The following PCDHGA8 variants were observed in gnomAD, a reference collection of about 807,000 sequenced individuals.
PCDHGA8 encodes the protein protocadherin gamma subfamily A, 8.
In PCDHGA8, 45 loss-of-function variants were observed where a neutral mutation model predicts 59.2. The ratio of observed to expected loss-of-function variants is 0.76; its 90% confidence interval spans 0.60 to 0.98. The LOEUF (loss-of-function observed/expected upper bound fraction) is 0.98, where lower values mean the gene tolerates loss of function less well. PCDHGA8 is among the 50% of genes least tolerant of loss of function. The probability of loss-of-function intolerance (pLI) is 0.00; values close to 1 mark genes in which losing one functional copy is unlikely to be tolerated. For synonymous variants in PCDHGA8, 531 were observed against 519.0 expected (o/e 1.02, Z -0.32); for missense variants, 1,257 against 1,196.2 (o/e 1.05, Z -0.75).
chr5:141,500,271 C>T (rs936454651), intron 2 of PCDHGA8, among the ~76,000 whole-genome samples: 3 of 151,598 alleles, frequency 2.0e-5, no homozygotes, highest in African/African-American at 7.3e-5. Flanking sequence ...TGCAGTGGCG[C>T]AATCTCGGCT....
chr5:141,468,093 G>C (rs1319825848), intron 1 of PCDHGA8, among the ~76,000 whole-genome samples: 2 of 152,112 alleles, frequency 1.3e-5, no homozygotes, highest in Non-Finnish European at 2.9e-5. Flanking sequence ...GGGAGGTTGA[G>C]GCAGGCAGAT....
At chr5:141,480,584 G>A (rs1421730652) in intron 1 of PCDHGA8, among the ~76,000 whole-genome samples, 1 of 134,606 alleles carries the variant, frequency 7.4e-6, no homozygotes, top group Non-Finnish European at 1.6e-5. Context: ...AATAACTGCC[G>A]CTCTTCTGGT....
intron 1 of PCDHGA8, chr5:141,415,323 G>C: frequency 1.9e-6 from 3 of 1,614,236 alleles, no homozygotes; most frequent in South Asian, 2.2e-5. Flanking sequence ...TCGTGCTGCT[G>C]GCGCACAGGC....
In PCDHGA8 at chr5:141,493,145, AG is replaced by A. The variant is rs11350413; in HGVS notation, c.2425-1660del. Among the ~76,000 whole-genome samples the A allele has an allele frequency of 0.17, 26,475 of 152,128 alleles. 2,528 individuals carry two copies. The highest frequency in any genetic ancestry group is 0.28 in the Admixed American group (4,206 of 15,272). ...TAGGACTGTATTTTGAAACACCCCC[AG>A]GTGATTTTGATAGCTGATTGAGAGA... is the stretch of plus-strand genomic sequence containing the variant. On this transcript the variant is annotated intron_variant, in intron 1 of 3. Transcript: ENST00000398604. The surrounding 1 kb of genome is among the most constrained non-coding windows in gnomAD (Gnocchi z 4.3).
intron 1 of PCDHGA8, among the ~76,000 whole-genome samples, chr5:141,446,356 A>G (rs73280911): frequency 0.088 from 13,411 of 152,284 alleles, 771 homozygotes; most frequent in African/African-American, 0.16. Flanking sequence ...CTACCATTTG[A>G]TGAGAATGGA....
chr5:141,395,302 T>C, intron 1 of PCDHGA8, 65 bp downstream of exon 1: 1 of 1,516,670 alleles, frequency 6.6e-7, no homozygotes, highest in East Asian at 2.3e-5. Flanking sequence ...AATTATGTTT[T>C]GAAAAACATT....
intron 1 of PCDHGA8, among the ~76,000 whole-genome samples, chr5:141,452,815 A>G (rs1199990390): frequency 6.6e-6 from 1 of 152,186 alleles, no homozygotes; most frequent in Admixed American, 6.5e-5. Flanking sequence ...TTTGTTCATA[A>G]GAAGCAAAAT....
At chr5:141,402,025 AAC>A (rs1265000731) in intron 1 of PCDHGA8, among the ~76,000 whole-genome samples, 9 of 152,192 alleles carry the variant, frequency 5.9e-5, no homozygotes, top group African/African-American at 1.7e-4. Flanking sequence ...GAATCATTGA[AAC>A]ACAGTCTGTG....
At chr5:141,460,981 GTGTA>G (rs1315974712) in intron 1 of PCDHGA8, among the ~76,000 whole-genome samples, 3 of 121,894 alleles carry the variant, frequency 2.5e-5, no homozygotes, top group Non-Finnish European at 5.1e-5. Context: ...GTGTGTGTGT[GTGTA>G]TATATATATA....
At chr5:141,504,980 G>A (rs113323355) in intron 2 of PCDHGA8, among the ~76,000 whole-genome samples, 174 of 152,196 alleles carry the variant, frequency 1.1e-3, no homozygotes, top group African/African-American at 3.9e-3. Context: ...TGGCCAACAT[G>A]GTGAAACCCC....
rs1350561914 is a variant in PCDHGA8 at position 141,393,085 on chromosome 5, A to T, written c.272A>T (p.Asp91Val). Residue 91 changes from aspartate to valine, a missense_variant, in exon 1 of 4, where the codon GAT becomes GTT. Transcript: ENST00000398604. ...SGSLITAGRIDREELCAQSPR... is the reference protein window; with the variant it reads ...SGSLITAGRIVREELCAQSPR... ...AGCTTGATCACCGCGGGCAGGATAGATCGGGAGGAGCTCTGCGCTCAGAGC... is the reference window on the plus strand; with the variant it reads ...AGCTTGATCACCGCGGGCAGGATAGTTCGGGAGGAGCTCTGCGCTCAGAGC... The T allele has an allele frequency of 5.6e-6, 9 of 1,613,542 alleles. No homozygotes were observed. Among genetic ancestry groups the T allele is most frequent in the Non-Finnish European group, 7.6e-6 (9 of 1,179,910 alleles).
rs1158395811 is a variant in PCDHGA8, at chr5:141,476,020, T to TCGGCGCC, written c.2425-18785_2425-18779dup. The stretch of plus-strand genomic sequence containing the variant: ...CGGCATCCAGAAAGCCATGTCGGAC[T>TCGGCGCC]CGGCGCCCAGCGCCCAAGCGCTAAC... On this transcript the variant is annotated intron_variant, in intron 1 of 3. Transcript: ENST00000398604. The surrounding 1 kb of genome is among the most constrained non-coding windows in gnomAD (Gnocchi z 7.6). 2.1e-6 allele frequency: 3 copies of TCGGCGCC among 1,398,716 alleles called. No homozygotes were observed. The African/African-American group carries it at 4.3e-5, about 20-fold the overall frequency. The allele number at this position is 1,398,716 out of a possible 1,614,324, so 86.6% of individuals were successfully genotyped here. A position where few individuals can be genotyped will look rare whatever the true frequency, so the allele number is the denominator to read the frequency against.
At chr5:141,416,982 T>C (rs191309825) in intron 1 of PCDHGA8, 25 of 152,264 alleles carry the variant, frequency 1.6e-4, no homozygotes, top group African/African-American at 5.5e-4. Context: ...GAGTCAAAAT[T>C]ATTGTGCATT....
Position 141,487,082 on chromosome 5 carries a change from G to A in PCDHGA8, c.2425-7725G>A, listed in dbSNP as rs2099639361. On this transcript the variant is annotated intron_variant, in intron 1 of 3. Transcript: ENST00000398604. The surrounding 1 kb of genome is among the most constrained non-coding windows in gnomAD (Gnocchi z 5.0). Reference sequence around the variant, plus strand: ...GCGGACGGCTGTTCCTATCCCAGCTGACCTCCCACCACAGAAGCTGGTCAT... The same window carrying A: ...GCGGACGGCTGTTCCTATCCCAGCTAACCTCCCACCACAGAAGCTGGTCAT... The A allele has an allele frequency of 8.1e-6, 13 of 1,614,056 alleles. No individual in the cohort carries two copies. The highest frequency in any genetic ancestry group is 1.1e-5 in the Non-Finnish European group (13 of 1,179,938).
intron 1 of PCDHGA8, among the ~76,000 whole-genome samples, chr5:141,455,580 T>C (rs572453788): frequency 6.6e-6 from 1 of 152,142 alleles, no homozygotes; most frequent in East Asian, 1.9e-4. Flanking sequence ...ACCCCAGCCT[T>C]TTAATATGCA....
Position 141,431,920 on chromosome 5 carries a change from A to C in PCDHGA8, c.2424+36683A>C. On this transcript the variant is annotated intron_variant, in intron 1 of 3. Transcript: ENST00000398604. The surrounding 1 kb of genome is among the most constrained non-coding windows in gnomAD (Gnocchi z 4.8). ...ACGGACAGGTGATCTGTTTCATCCA[A>C]GGAAATCTGCCCTTTAAATTAGAAA... 1 of 1,614,164 alleles carries C rather than the reference A, an allele frequency of 6.2e-7. No individual in the cohort carries two copies. Among genetic ancestry groups the C allele is most frequent in the Non-Finnish European group, 8.5e-7 (1 of 1,179,976 alleles).
At position 141,511,237 on chromosome 5, in the gene PCDHGA8, TG is replaced by T; in HGVS notation, c.*65del. 1 of 1,590,378 alleles carries T rather than the reference TG, an allele frequency of 6.3e-7. No individual in the cohort carries two copies. Among genetic ancestry groups the T allele is most frequent in the Non-Finnish European group, 8.6e-7 (1 of 1,168,304 alleles). On this transcript the variant is annotated 3_prime_UTR_variant, in exon 4 of 4. Transcript: ENST00000398604. ...CCAACCAGCCCAGCTTCTCCTTACC[TG>T]CACCCAGGCCTCAGAGTTTCAGGGC...
chr5:141,405,758 G>A (rs533667979), intron 1 of PCDHGA8, among the ~76,000 whole-genome samples: 8 of 152,246 alleles, frequency 5.3e-5, no homozygotes, highest in South Asian at 2.1e-4. Context: ...GATTACAGGC[G>A]TGAGCCACTG....
In PCDHGA8 at chr5:141,443,329, A is replaced by AC. The variant is rs58846402; in HGVS notation, c.2424+48093dup. 1.9e-4 allele frequency among the ~76,000 whole-genome samples: 29 copies of AC among 151,590 alleles called. No individual in the cohort carries two copies. In the East Asian group the frequency reaches 4.3e-3, roughly 22 times the overall value. ...AAACCCATCTCTACAAAAAAAAAAA[A>AC]CAAAAATTAACAAGGTTTAGTGGTC... On this transcript the variant is annotated intron_variant, in intron 1 of 3. Coordinates refer to ENST00000398604, the MANE Select transcript of PCDHGA8 (RefSeq NM_032088.2).
Sources: gnomAD v4.1 joint callset for allele counts (sites outside exome capture counted in the v4.1 genomes callset) on GRCh38, gnomAD v4.1.1 for gene constraint, Gnocchi (gnomAD v3.1) non-coding constraint, MANE v1.5 for transcripts, NCBI Gene and HGNC (gene_info 2026-07-23, HGNC 2026-07-21) for gene names.